TCP11L2: variants seen among roughly 807,000 people sequenced by gnomAD.
TCP11L2 encodes t-complex 11 like 2.
Under a neutral mutation model 50.7 loss-of-function variants are expected in TCP11L2, and 39 were observed. The observed-to-expected ratio is 0.77, with a 90% CI of 0.60 to 1.01. The LOEUF is 1.01. Among genes scored for constraint, TCP11L2 ranks in the 50% least tolerant of loss-of-function variants. The probability of loss-of-function intolerance (pLI) is 0.00; values close to 1 mark genes in which losing one functional copy is unlikely to be tolerated. For synonymous variants in TCP11L2, 192 were observed against 219.3 expected, an observed-to-expected ratio of 0.88 and a Z score of 1.10; for missense variants, 612 against 614.7, an observed-to-expected ratio of 1.00 and a Z score of 0.05.
intron 6 of TCP11L2, chr12:106,329,487 C>A: frequency 6.6e-7 from 1 of 1,510,780 alleles, no homozygotes. Flanking sequence ...CTTTACCGGT[C>A]ATTCTCAAGT....
At position 106,318,346 on chromosome 12, in the gene TCP11L2, T is replaced by TG; in HGVS notation, c.298dup (p.Ala100GlyfsTer23). ...AACAATTCATTTTATTGCCATAGTT[T>TG]GGCTGGTCGAGTGAAGCACATTGTT... On this transcript the variant is annotated frameshift_variant, in exon 4 of 10. Transcript: ENST00000299045. LOFTEE classifies it high-confidence loss of function. 1.2e-6 allele frequency: 2 copies of TG among 1,612,986 alleles called. No homozygotes were observed. Among genetic ancestry groups the TG allele is most frequent in the Non-Finnish European group, 1.7e-6 (2 of 1,179,360 alleles).
intron 5 of TCP11L2, among the ~76,000 whole-genome samples, chr12:106,321,987 G>A (rs905581878): frequency 6.6e-6 from 1 of 152,204 alleles, no homozygotes; most frequent in Non-Finnish European, 1.5e-5. Flanking sequence ...CTAATGGGCA[G>A]AGAGATCTTG....
intron 9 of TCP11L2, among the ~76,000 whole-genome samples, chr12:106,345,276 G>T (rs1212381591): frequency 6.6e-6 from 1 of 152,142 alleles, no homozygotes; most frequent in Non-Finnish European, 1.5e-5. Context: ...GATTACAGGT[G>T]TGAGCCACTA....
intron 2 of TCP11L2, among the ~76,000 whole-genome samples, chr12:106,313,229 A>T (rs1238531039): frequency 6.6e-6 from 1 of 152,178 alleles, no homozygotes; most frequent in African/African-American, 2.4e-5. Flanking sequence ...AATGATAAAT[A>T]CCAATTGGCA....
intron 1 of TCP11L2, among the ~76,000 whole-genome samples, chr12:106,310,679 G>A (rs780792661): frequency 1.3e-5 from 2 of 152,170 alleles, no homozygotes; most frequent in South Asian, 2.1e-4. Context: ...AGAACAGAAC[G>A]AGAGATCTGA....
intron 8 of TCP11L2, among the ~76,000 whole-genome samples, chr12:106,339,537 G>A (rs916404312): frequency 2.6e-5 from 4 of 152,134 alleles, no homozygotes; most frequent in Non-Finnish European, 5.9e-5. Context: ...AATTCATCAC[G>A]AAATGTTTGC....
chr12:106,329,444 C>G, intron 6 of TCP11L2: 1 of 1,534,240 alleles, frequency 6.5e-7, no homozygotes, highest in Non-Finnish European at 8.7e-7. Flanking sequence ...AAGAGAAGAG[C>G]CAACGTTTCA....
chr12:106,312,901 G>A (rs756334297), intron 2 of TCP11L2, among the ~76,000 whole-genome samples: 89 of 152,036 alleles, frequency 5.9e-4, no homozygotes, highest in Non-Finnish European at 1.0e-3. Context: ...AAATAAATTA[G>A]GTAGTAAAGT....
At chr12:106,318,901 T>A (rs12827585) in intron 4 of TCP11L2, among the ~76,000 whole-genome samples, 10,653 of 39,922 alleles carry the variant, frequency 0.27, 413 homozygotes, top group South Asian at 0.39. Context: ...ATTTTATTTT[T>A]TTTTTTTTTT....
chr12:106,332,349 C>T (rs868545772), intron 6 of TCP11L2, among the ~76,000 whole-genome samples: 5 of 152,276 alleles, frequency 3.3e-5, no homozygotes, highest in Middle Eastern at 6.8e-3. Context: ...GAAACCTATA[C>T]ATAAATATTC....
At chr12:106,337,691 C>T (rs555332067) in intron 8 of TCP11L2, among the ~76,000 whole-genome samples, 2 of 152,286 alleles carry the variant, frequency 1.3e-5, no homozygotes, top group South Asian at 2.1e-4. Context: ...AATATGTTCT[C>T]AAATTACTAT....
chr12:106,318,469 G>T lies in TCP11L2; in HGVS notation c.414+5G>T. On this transcript the variant is annotated splice_donor_5th_base_variant and intron_variant, in intron 4 of 9. Transcript: ENST00000299045. ...CTGTTTGAAGAAATCAGAGAGGCAA[G>T]TTGCTTTGTTGTCTGTGTCAGTTAG... 1 of 1,613,346 alleles carries T rather than the reference G, an allele frequency of 6.2e-7. No individual in the cohort carries two copies. The highest frequency in any genetic ancestry group is 8.5e-7 in the Non-Finnish European group (1 of 1,179,464).
At chr12:106,334,856 G>T (rs1324453002) in intron 6 of TCP11L2, among the ~76,000 whole-genome samples, 1 of 152,052 alleles carries the variant, frequency 6.6e-6, no homozygotes, top group Admixed American at 6.6e-5. Context: ...CAGGAGAATC[G>T]CTTGAACATG....
chr12:106,321,509 C>G lies in TCP11L2; in HGVS notation c.438C>G (p.Pro146=), dbSNP rs756343446. 1.2e-6 allele frequency: 2 copies of G among 1,614,020 alleles called. No homozygotes were observed. Among genetic ancestry groups the G allele is most frequent in the Admixed American group, 1.7e-5 (1 of 60,010 alleles). Residue 146 remains proline (P), a synonymous_variant, in exon 5 of 10, where the codon CCC becomes CCG. Transcript: ENST00000299045. ...AGATTCTTCTCTCTTTTCTCACTCCCGGTGGCAACCGGCTTCGCAACCAAA... is the reference window on the plus strand; with the variant it reads ...AGATTCTTCTCTCTTTTCTCACTCCGGGTGGCAACCGGCTTCGCAACCAAA... ...IREILLSFLT[P]GGNRLRNQIC... is the part of the protein sequence containing the mutation.
In TCP11L2 at chr12:106,335,726, C is replaced by T; in HGVS notation, c.860C>T (p.Ala287Val). The T allele has an allele frequency of 6.2e-7, 1 of 1,614,138 alleles. No homozygotes were observed. ...SLSESALTPG[A>V]ENTSKPSLSP... ...TCTGAGAGTGCTTTAACTCCTGGGG[C>T]CGAAAATACCTCCAAGCCAAGCCTG... Residue 287 changes from alanine to valine, a missense_variant, in exon 7 of 10, where the codon GCC becomes GTC. Coordinates refer to ENST00000299045, the MANE Select transcript of TCP11L2 (RefSeq NM_152772.3).
At chr12:106,340,726 A>C in intron 8 of TCP11L2, 100 bp from the exon 9 acceptor site, 3 of 999,862 alleles carry the variant, frequency 3.0e-6, no homozygotes, top group Non-Finnish European at 4.3e-6. Flanking sequence ...TGTCTGTATA[A>C]GAGAAATTTG....
intron 8 of TCP11L2, among the ~76,000 whole-genome samples, chr12:106,339,002 G>A (rs371576394): frequency 2.6e-5 from 4 of 152,222 alleles, no homozygotes; most frequent in South Asian, 2.1e-4. Flanking sequence ...ATAATTAGCC[G>A]AGCATGGTGG....
At chr12:106,319,067 G>A (rs982880743) in intron 4 of TCP11L2, among the ~76,000 whole-genome samples, 12 of 152,032 alleles carry the variant, frequency 7.9e-5, no homozygotes, top group African/African-American at 1.7e-4. Context: ...GCCCGCCACC[G>A]CGCCCAGCTA....
At chr12:106,339,507 T>C (rs528332444) in intron 8 of TCP11L2, among the ~76,000 whole-genome samples, 1 of 152,366 alleles carries the variant, frequency 6.6e-6, no homozygotes, top group South Asian at 2.1e-4. Flanking sequence ...TTTTTGCTTT[T>C]GTTGCATTTG....
Sources: gnomAD v4.1 joint callset for allele counts (sites outside exome capture counted in the v4.1 genomes callset) on GRCh38, gnomAD v4.1.1 for gene constraint, MANE v1.5 for transcripts, NCBI Gene and HGNC (gene_info 2026-07-23, HGNC 2026-07-21) for gene names.